The following STK31 variants were observed in gnomAD, a reference collection of about 807,000 sequenced individuals.
The protein encoded by STK31 is serine/threonine kinase 31.
STK31 carries 89 observed loss-of-function variants against 129.7 expected under a neutral mutation model. The observed-to-expected ratio is 0.69, with a 90% CI of 0.58 to 0.82. The LOEUF (loss-of-function observed/expected upper bound fraction) is 0.82. STK31 is among the 40% of genes least tolerant of loss of function. The pLI is 0.00. For missense variants in STK31, 1,187 were observed against 1,176.4 expected, an observed-to-expected ratio of 1.01 and a Z score of -0.13; for synonymous variants, 448 against 395.3, an observed-to-expected ratio of 1.13 and a Z score of -1.58.
chr7:23,796,688 A>G (rs1031635497), intron 22 of STK31, among the ~76,000 whole-genome samples: 3 of 152,080 alleles, frequency 2.0e-5, no homozygotes, highest in African/African-American at 7.2e-5. Flanking sequence ...CCTCCTCCCA[A>G]CCCTTAAACG....
chr7:23,804,492 G>GC (rs1792570571), intron 22 of STK31, among the ~76,000 whole-genome samples: 1 of 152,044 alleles, frequency 6.6e-6, no homozygotes, highest in African/African-American at 2.4e-5. Flanking sequence ...GAAGTATTAG[G>GC]CTTTAAAAAA....
intron 6 of STK31, among the ~76,000 whole-genome samples, chr7:23,730,878 A>ATTTTTTTTTTTTTT (rs60712892): frequency 1.0e-4 from 6 of 59,554 alleles, no homozygotes; most frequent in Admixed American, 2.7e-4. Flanking sequence ...ATATATATAT[A>ATTTTTTTTTTTTTT]TTTTTTTTTT....
chr7:23,818,021 A>G (rs1275596461), intron 23 of STK31, among the ~76,000 whole-genome samples: 3 of 151,906 alleles, frequency 2.0e-5, no homozygotes, highest in Non-Finnish European at 4.4e-5. Context: ...GATTTAGTTT[A>G]CAACATATAT....
chr7:23,808,526 A>G (rs1298303222), intron 22 of STK31, among the ~76,000 whole-genome samples: 4 of 151,976 alleles, frequency 2.6e-5, no homozygotes, highest in African/African-American at 7.2e-5. Context: ...GACTCGTACT[A>G]CTTCACACTG....
At chr7:23,808,800 T>G (rs1481022893) in intron 22 of STK31, among the ~76,000 whole-genome samples, 1 of 151,204 alleles carries the variant, frequency 6.6e-6, no homozygotes, top group Non-Finnish European at 1.5e-5. Context: ...TCAGCACTAC[T>G]AATACTACGG....
intron 22 of STK31, among the ~76,000 whole-genome samples, chr7:23,792,885 G>A (rs1044772706): frequency 4.6e-5 from 7 of 152,156 alleles, no homozygotes; most frequent in African/African-American, 1.7e-4. Flanking sequence ...TTAGCTGGGT[G>A]TAATGGCGTG....
At chr7:23,746,260 G>A (rs952056386) in intron 8 of STK31, among the ~76,000 whole-genome samples, 1 of 152,198 alleles carries the variant, frequency 6.6e-6, no homozygotes, top group Non-Finnish European at 1.5e-5. Flanking sequence ...GAGCACATGA[G>A]GATCAAAGGT....
intron 10 of STK31, among the ~76,000 whole-genome samples, chr7:23,758,563 A>G (rs1307200118): frequency 6.6e-6 from 1 of 151,744 alleles, no homozygotes; most frequent in Admixed American, 6.6e-5. Context: ...TGTGATGTTA[A>G]GGTGTTGATA....
intron 3 of STK31, 113 bp from the exon 4 acceptor site, chr7:23,717,368 T>A (rs2128062728): frequency 3.3e-6 from 2 of 601,470 alleles, no homozygotes; most frequent in South Asian, 7.1e-5. Flanking sequence ...AAGAAGTTGA[T>A]TTAATTTCTA....
chr7:23,724,475 C>T (rs1786932389), intron 4 of STK31, among the ~76,000 whole-genome samples: 1 of 152,172 alleles, frequency 6.6e-6, no homozygotes, highest in Non-Finnish European at 1.5e-5. Context: ...AGAGTAAAAA[C>T]AAGGTTAGGC....
intron 3 of STK31, among the ~76,000 whole-genome samples, chr7:23,714,188 A>G (rs992539357): frequency 6.6e-6 from 1 of 152,174 alleles, no homozygotes; most frequent in African/African-American, 2.4e-5. Context: ...ATGTTATAGA[A>G]AACTTGGGGC....
At chr7:23,799,517 G>T (rs760256281) in intron 22 of STK31, among the ~76,000 whole-genome samples, 44 of 152,152 alleles carry the variant, frequency 2.9e-4, no homozygotes, top group Non-Finnish European at 5.7e-4. Context: ...TTTAATAAAT[G>T]GTGTTGGGAA....
Position 23,791,037 on chromosome 7 carries a change from AAGC to A in STK31, c.2760+97_2760+99del, listed in dbSNP as rs1000356646. The stretch of plus-strand genomic sequence containing the variant: ...TATAGTGATTCTCCTTAAAAATAAA[AAGC>A]AGCAGACTTTTAGTAGAACTTTAAG... On this transcript the variant is annotated intron_variant, in intron 22 of 23. Coordinates refer to ENST00000355870, the MANE Select transcript of STK31 (RefSeq NM_031414.5). 2.2e-4 allele frequency: 256 copies of A among 1,158,042 alleles called. 1 individual carries two copies. The Admixed American group carries it at 2.4e-3, about 11-fold the overall frequency. 71.7% of individuals were successfully genotyped at this position (1,158,042 alleles called of 1,614,324 possible).
chr7:23,809,577 C>T (rs535737791), intron 22 of STK31, among the ~76,000 whole-genome samples: 53 of 152,196 alleles, frequency 3.5e-4, no homozygotes, highest in Middle Eastern at 3.4e-3. Context: ...CCTGCTAATA[C>T]GAAAAGTGGA....
At chr7:23,757,629 A>G (rs1180427343) in intron 10 of STK31, among the ~76,000 whole-genome samples, 1 of 152,150 alleles carries the variant, frequency 6.6e-6, no homozygotes, top group East Asian at 1.9e-4. Context: ...CTCAGTAGAT[A>G]GAACATACAA....
At chr7:23,723,932 G>A (rs139684119) in intron 4 of STK31, among the ~76,000 whole-genome samples, 38 of 152,200 alleles carry the variant, frequency 2.5e-4, no homozygotes, top group African/African-American at 8.4e-4. Context: ...CCAAAGAGAC[G>A]GCTAATGCTC....
At chr7:23,747,151 T>C (rs1049256966) in intron 8 of STK31, among the ~76,000 whole-genome samples, 3 of 152,132 alleles carry the variant, frequency 2.0e-5, no homozygotes, top group Non-Finnish European at 4.4e-5. Flanking sequence ...GTAATGTTGT[T>C]TTCTGATTTC....
At chr7:23,808,943 T>TTGTGTG (rs1554297249) in intron 22 of STK31, among the ~76,000 whole-genome samples, 12 of 84,434 alleles carry the variant, frequency 1.4e-4, no homozygotes, top group African/African-American at 3.5e-4. Context: ...CTTGGAGCTT[T>TTGTGTG]TGTGTGTGTG....
At chr7:23,716,080 C>A (rs1786297893) in intron 3 of STK31, among the ~76,000 whole-genome samples, 1 of 152,012 alleles carries the variant, frequency 6.6e-6, no homozygotes, top group Admixed American at 6.6e-5. Flanking sequence ...AGTTTTTTGT[C>A]TTTTTGTGTT....
Sources: gnomAD v4.1 joint callset for allele counts (sites outside exome capture counted in the v4.1 genomes callset) on GRCh38, gnomAD v4.1.1 for gene constraint, MANE v1.5 for transcripts, NCBI Gene and HGNC (gene_info 2026-07-23, HGNC 2026-07-21) for gene names.